ABCA12: variants seen among roughly 807,000 people sequenced by gnomAD.
ABCA12 encodes the protein glucosylceramide transporter ABCA12.
A neutral mutation model predicts 293.5 loss-of-function variants in ABCA12; 156 were observed. That is an observed-to-expected ratio of 0.53 (90% CI 0.47 to 0.61). ABCA12 has a LOEUF of 0.61. Among genes scored for constraint, ABCA12 ranks in the 20% least tolerant of loss-of-function variants. The probability of loss-of-function intolerance (pLI) is 0.00; values close to 1 mark genes in which losing one functional copy is unlikely to be tolerated. For missense variants in ABCA12, 2,797 were observed against 3,090.2 expected (o/e 0.91, Z 2.25); for synonymous variants, 1,063 against 1,108.0 (o/e 0.96, Z 0.81).
chr2:215,114,063 C>T (rs1702636332), intron 1 of ABCA12, among the ~76,000 whole-genome samples: 1 of 152,198 alleles, frequency 6.6e-6, no homozygotes, highest in African/African-American at 2.4e-5. Context: ...CAACCTCCGC[C>T]TCCTAGGTTC....
chr2:215,043,335 ACT>A (rs1390434953), intron 7 of ABCA12, among the ~76,000 whole-genome samples: 10 of 152,120 alleles, frequency 6.6e-5, no homozygotes, highest in African/African-American at 2.2e-4. Flanking sequence ...TATTATGCAG[ACT>A]CTTTTACATA....
chr2:215,076,212 G>A (rs989222747), intron 2 of ABCA12, among the ~76,000 whole-genome samples: 7 of 152,038 alleles, frequency 4.6e-5, no homozygotes, highest in African/African-American at 1.7e-4. Context: ...TATGTGACCC[G>A]TGGCTTGCTT....
At chr2:214,982,094 G>A (rs1262975073) in intron 30 of ABCA12, 93 bp downstream of exon 30, 38 of 1,333,902 alleles carry the variant, frequency 2.8e-5, no homozygotes, top group East Asian at 2.4e-5. Context: ...TTATAGGCGT[G>A]AGCCACTGCA....
chr2:214,973,639 A>AT (rs1171792250), intron 36 of ABCA12, among the ~76,000 whole-genome samples: 3 of 152,060 alleles, frequency 2.0e-5, no homozygotes, highest in Non-Finnish European at 4.4e-5. Context: ...TTATGGTCTC[A>AT]TTTTTTCCTG....
chr2:215,130,163 C>T (rs1167648499), intron 1 of ABCA12, among the ~76,000 whole-genome samples: 3 of 151,668 alleles, frequency 2.0e-5, no homozygotes, highest in East Asian at 3.9e-4. Context: ...GATGTGATGT[C>T]TCCAGATTTG....
At chr2:215,013,247 G>A (rs1574982839) in intron 15 of ABCA12, 1 of 152,240 alleles carries the variant, frequency 6.6e-6, no homozygotes, top group East Asian at 1.9e-4. Context: ...GAAATCAAAG[G>A]AGACCTTTTC....
chr2:214,972,916 C>G (rs541468309), intron 36 of ABCA12, among the ~76,000 whole-genome samples: 19 of 152,208 alleles, frequency 1.2e-4, no homozygotes, highest in Admixed American at 9.2e-4. Context: ...AAGGCTCAAG[C>G]TATCCTCTCA....
Position 215,109,565 on chromosome 2 carries a change from A to G in ABCA12, c.163+2032T>C, listed in dbSNP as rs139249351. 5.1e-3 allele frequency among the ~76,000 whole-genome samples: 781 copies of G among 152,368 alleles called. 9 individuals carry two copies. Among genetic ancestry groups the G allele is most frequent in the South Asian group, 0.035 (167 of 4,830 alleles). ...ATCACTTCCTTGGCTAGTTATTATTAGAGTATGATAATAGGTCCATAGCAA... is the reference window on the plus strand; with the variant it reads ...ATCACTTCCTTGGCTAGTTATTATTGGAGTATGATAATAGGTCCATAGCAA... On this transcript the variant is annotated intron_variant, in intron 2 of 52. Transcript: ENST00000272895.
At chr2:214,969,626 A>G (rs1424995807) in intron 37 of ABCA12, among the ~76,000 whole-genome samples, 1 of 152,092 alleles carries the variant, frequency 6.6e-6, no homozygotes, top group African/African-American at 2.4e-5. Context: ...TTCTGGAAGG[A>G]TATACACCAA....
intron 39 of ABCA12, chr2:214,961,924 G>A (rs1367002437): frequency 6.6e-6 from 1 of 152,144 alleles, no homozygotes; most frequent in Non-Finnish European, 1.5e-5. Flanking sequence ...ACAGTCACCA[G>A]TACATCTGGC....
chr2:215,115,957 G>A (rs1449899455), intron 1 of ABCA12, among the ~76,000 whole-genome samples: 2 of 152,096 alleles, frequency 1.3e-5, no homozygotes, highest in Non-Finnish European at 2.9e-5. Flanking sequence ...AGTGGCAGGC[G>A]ACCGATTTCA....
At chr2:215,062,361 C>T (rs7572442) in intron 3 of ABCA12, among the ~76,000 whole-genome samples, 61,108 of 151,778 alleles carry the variant, frequency 0.4, 12,706 homozygotes, top group South Asian at 0.59. Context: ...TGGCAGTGGT[C>T]TTCTTACAGA....
At chr2:214,993,509 A>G (rs1699970087) in intron 23 of ABCA12, among the ~76,000 whole-genome samples, 1 of 152,200 alleles carries the variant, frequency 6.6e-6, no homozygotes, top group Non-Finnish European at 1.5e-5. Context: ...CCAATATGAT[A>G]TGTTAGTCCT....
intron 1 of ABCA12, among the ~76,000 whole-genome samples, chr2:215,128,566 T>TTTC (rs3050159): frequency 0.33 from 49,933 of 151,906 alleles, 11,610 homozygotes; most frequent in African/African-American, 0.66. Context: ...TCTGAATTTC[T>TTTC]TTCTTCTTGT....
intron 2 of ABCA12, among the ~76,000 whole-genome samples, chr2:215,068,470 C>T (rs1263271062): frequency 6.6e-6 from 1 of 152,110 alleles, no homozygotes; most frequent in African/African-American, 2.4e-5. Context: ...AGGCAATAGG[C>T]TGGAATTGGC....
At chr2:214,959,003 A>G (rs1699036254) in intron 40 of ABCA12, 21 bp downstream of exon 40, 1 of 1,611,154 alleles carries the variant, frequency 6.2e-7, no homozygotes, top group Admixed American at 1.7e-5. Context: ...GAAAGTAGTC[A>G]TGCTAGAGAT....
chr2:214,996,126 A>C (rs1700027537), intron 23 of ABCA12, among the ~76,000 whole-genome samples: 1 of 152,186 alleles, frequency 6.6e-6, no homozygotes, highest in African/African-American at 2.4e-5. Flanking sequence ...GGAGACACAG[A>C]GCTACCAAAC....
At chr2:214,932,965 A>G (rs1227125154) in intron 52 of ABCA12, among the ~76,000 whole-genome samples, 5 of 152,112 alleles carry the variant, frequency 3.3e-5, no homozygotes, top group Non-Finnish European at 5.9e-5. Context: ...ACCTATATCT[A>G]TGACCATATT....
intron 2 of ABCA12, among the ~76,000 whole-genome samples, chr2:215,111,171 C>T (rs541881274): frequency 1.3e-5 from 2 of 152,320 alleles, no homozygotes; most frequent in South Asian, 2.1e-4. Context: ...CAAATATCAG[C>T]CCTAAAGAGA....
Sources: gnomAD v4.1 joint callset for allele counts (sites outside exome capture counted in the v4.1 genomes callset) on GRCh38, gnomAD v4.1.1 for gene constraint, MANE v1.5 for transcripts, NCBI Gene and HGNC (gene_info 2026-07-23, HGNC 2026-07-21) for gene names.